Variants in INO80 observed in about 807,000 individuals in gnomAD.
INO80 encodes chromatin-remodeling ATPase INO80.
A neutral mutation model predicts 203.4 loss-of-function variants in INO80; 20 were observed. The ratio of observed to expected loss-of-function variants is 0.10; its 90% CI spans 0.07 to 0.14. The LOEUF (loss-of-function observed/expected upper bound fraction) is 0.14, where lower values mean the gene tolerates loss of function less well. Among genes scored for constraint, INO80 ranks in the 10% least tolerant of loss-of-function variants. The pLI is 1.00. For missense variants in INO80, 1,419 were observed against 1,914.4 expected, an observed-to-expected ratio of 0.74 and a Z score of 4.83; for synonymous variants, 726 against 685.2, an observed-to-expected ratio of 1.06 and a Z score of -0.93.
intron 9 of INO80, among the ~76,000 whole-genome samples, chr15:41,078,531 G>A (rs1311139571): frequency 6.6e-6 from 1 of 152,126 alleles, no homozygotes; most frequent in African/African-American, 2.4e-5. Context: ...AATTAACCAG[G>A]AGACTTAAGA....
chr15:41,106,506 G>T (rs1338411717), intron 1 of INO80, among the ~76,000 whole-genome samples: 2 of 151,790 alleles, frequency 1.3e-5, no homozygotes, highest in African/African-American at 4.8e-5. Flanking sequence ...TGGCATACCT[G>T]TAGTCCCAGC....
intron 14 of INO80, among the ~76,000 whole-genome samples, chr15:41,061,724 T>C (rs534528134): frequency 2.5e-4 from 38 of 152,140 alleles, no homozygotes; most frequent in Non-Finnish European, 4.7e-4. Flanking sequence ...TTCAATGGTA[T>C]GCTATAAATT....
At chr15:41,028,005 C>G in intron 24 of INO80, 1 of 231,948 alleles carries the variant, frequency 4.3e-6, no homozygotes, top group Admixed American at 5.2e-5. Context: ...TAATCAAAAA[C>G]AGGCACAGCA....
chr15:41,042,974 G>A (rs1422529019), intron 24 of INO80, among the ~76,000 whole-genome samples: 1 of 152,108 alleles, frequency 6.6e-6, no homozygotes, highest in African/African-American at 2.4e-5. Flanking sequence ...CACTACAAGA[G>A]CAAATTAAAA....
In INO80 at chr15:41,040,719, C is replaced by T. The variant is rs2044652963; in HGVS notation, c.2907+4185G>A. 2.0e-5 allele frequency among the ~76,000 whole-genome samples: 3 copies of T among 152,064 alleles called. No individual in the cohort carries two copies. In the East Asian group the frequency reaches 5.8e-4, roughly 29 times the overall value. On this transcript the variant is annotated intron_variant, in intron 24 of 35. Coordinates refer to ENST00000648947, the MANE Select transcript of INO80 (RefSeq NM_017553.3). ...ACCTAACCCTAACCTAACCCTAATC[C>T]TGAGCTACGACTGCATCAGTGCATT...
intron 24 of INO80, among the ~76,000 whole-genome samples, chr15:41,044,621 G>A (rs774849999): frequency 6.6e-5 from 10 of 152,068 alleles, no homozygotes; most frequent in Non-Finnish European, 1.2e-4. Flanking sequence ...GATCTAGGTG[G>A]TTGTTACACA....
Position 40,993,493 on chromosome 15 carries a change from C to T in INO80, c.3570+4036G>A, listed in dbSNP as rs180717147. 6.2e-3 allele frequency among the ~76,000 whole-genome samples: 944 copies of T among 152,308 alleles called. 5 individuals are homozygous for T. Among genetic ancestry groups the T allele is most frequent in the South Asian group, 0.03 (144 of 4,818 alleles). The stretch of plus-strand genomic sequence containing the variant: ...AGCTTTAAGGCCAGGAGTGGTGGCT[C>T]ACGCCTGTAATCCCAGCACTTTGGG... On this transcript the variant is annotated intron_variant, in intron 29 of 35. Coordinates refer to ENST00000648947, the MANE Select transcript of INO80 (RefSeq NM_017553.3).
At position 40,979,438 on chromosome 15, in the gene INO80, CTGTGCATTCAGGA is replaced by C. The variant is rs1893730109; in HGVS notation, c.*772_*784del. On this transcript the variant is annotated 3_prime_UTR_variant, in exon 36 of 36. Coordinates refer to ENST00000648947, the MANE Select transcript of INO80 (RefSeq NM_017553.3). ...GGACTGAAGGGCATGAGCAGGGAGACTGTGCATTCAGGATGGGCAAAGGGGACTCTGCAAGAGG... is the reference window on the plus strand; with the variant it reads ...GGACTGAAGGGCATGAGCAGGGAGACTGGGCAAAGGGGACTCTGCAAGAGG... The C allele has an allele frequency of 6.5e-6, 1 of 153,350 alleles. No individual in the cohort carries two copies. Among genetic ancestry groups the C allele is most frequent in the African/African-American group, 2.4e-5 (1 of 41,458 alleles). 9.5% of individuals were successfully genotyped at this position (153,350 alleles called of 1,614,324 possible). A position where few individuals can be genotyped will look rare whatever the true frequency, so the allele number is the denominator to read the frequency against.
chr15:41,073,473 C>G lies in INO80; in HGVS notation c.1350G>C (p.Gln450His). The G allele has an allele frequency of 1.9e-6, 3 of 1,614,060 alleles. No individual in the cohort carries two copies. The highest frequency in any genetic ancestry group is 1.7e-6 in the Non-Finnish European group (2 of 1,179,968). ...EDYDSNHFKA[Q>H]ALKNAENAYH... ...AAGCATTTTCAGCATTCTTCAGGGCCTGGGCTTTAAAATGGTTACTATCTG... is the reference window on the plus strand; with the variant it reads ...AAGCATTTTCAGCATTCTTCAGGGCGTGGGCTTTAAAATGGTTACTATCTG... Residue 450 changes from glutamine to histidine, a missense_variant, in exon 11 of 36, where the codon CAG becomes CAC. By Grantham distance (24) the Gln-to-His change is conservative. Coordinates refer to ENST00000648947, the MANE Select transcript of INO80 (RefSeq NM_017553.3).
chr15:40,997,495 T>A (rs774983092), intron 29 of INO80, 34 bp downstream of exon 29: 1 of 1,387,204 alleles, frequency 7.2e-7, no homozygotes, highest in Non-Finnish European at 1.0e-6. Context: ...GTAGAAAACC[T>A]GCATATCTAG....
intron 24 of INO80, among the ~76,000 whole-genome samples, chr15:41,034,787 G>C (rs2044544532): frequency 6.6e-6 from 1 of 152,144 alleles, no homozygotes; most frequent in Admixed American, 6.5e-5. Flanking sequence ...AACTTTTTAA[G>C]ACTGATCTGG....
chr15:41,077,098 G>A (rs896918055), intron 9 of INO80, among the ~76,000 whole-genome samples: 14 of 151,816 alleles, frequency 9.2e-5, no homozygotes, highest in African/African-American at 2.9e-4. Context: ...TAGTAAAGAC[G>A]GGGTTTCACC....
At chr15:41,023,092 G>A in intron 25 of INO80, 1 of 328,262 alleles carries the variant, frequency 3.0e-6, no homozygotes, top group Non-Finnish European at 5.6e-6. Context: ...CAGGGTGACA[G>A]ACTGTCTCAA....
chr15:41,071,049 GTC>G (rs1348290666), intron 12 of INO80, among the ~76,000 whole-genome samples: 1 of 152,070 alleles, frequency 6.6e-6, no homozygotes, highest in African/African-American at 2.4e-5. Context: ...TGTGTCTGCA[GTC>G]CCAGCTATTC....
chr15:41,087,316 C>CTATA (rs2045577590), intron 6 of INO80, among the ~76,000 whole-genome samples: 1 of 152,136 alleles, frequency 6.6e-6, no homozygotes, highest in Admixed American at 6.6e-5. Flanking sequence ...TATGCAAATA[C>CTATA]TATACCATTT....
At chr15:41,114,427 G>C (rs1455341332) in intron 1 of INO80, among the ~76,000 whole-genome samples, 2 of 152,046 alleles carry the variant, frequency 1.3e-5, no homozygotes, top group Non-Finnish European at 2.9e-5. Flanking sequence ...AAGCAAATGA[G>C]GCCATGTGCG....
chr15:41,030,544 T>C (rs947405648), intron 24 of INO80, among the ~76,000 whole-genome samples: 2 of 152,112 alleles, frequency 1.3e-5, no homozygotes, highest in Admixed American at 1.3e-4. Context: ...GTATTTTTAG[T>C]AGTGATGGGG....
intron 1 of INO80, among the ~76,000 whole-genome samples, chr15:41,113,194 T>C (rs1053202410): frequency 3.3e-5 from 5 of 151,664 alleles, no homozygotes; most frequent in Non-Finnish European, 7.4e-5. Context: ...GGATTACAGG[T>C]GTGAGCCACC....
At chr15:40,986,082 C>T (rs2043728680) in intron 31 of INO80, among the ~76,000 whole-genome samples, 2 of 152,146 alleles carry the variant, frequency 1.3e-5, no homozygotes, top group African/African-American at 4.8e-5. Flanking sequence ...GCTTCAGAGG[C>T]TCACAGGATG....
Sources: gnomAD v4.1 joint callset for allele counts (sites outside exome capture counted in the v4.1 genomes callset) on GRCh38, gnomAD v4.1.1 for gene constraint, MANE v1.5 for transcripts, NCBI Gene and HGNC (gene_info 2026-07-23, HGNC 2026-07-21) for gene names.